The following ZNF596 variants were observed in gnomAD, a reference collection of about 807,000 sequenced individuals.
The protein encoded by ZNF596 is zinc finger protein 596.
Under a neutral mutation model 48.3 loss-of-function variants are expected in ZNF596, and 45 were observed. That is an observed-to-expected ratio of 0.93 (90% CI 0.73 to 1.19). The LOEUF is 1.19. Among genes scored for constraint, ZNF596 ranks in the 50% most tolerant of loss-of-function variants. ZNF596 has a pLI of 0.00. For missense variants in ZNF596, 848 were observed against 599.7 expected (o/e 1.41, Z -4.32); for synonymous variants, 270 against 202.0 (o/e 1.34, Z -2.85).
In ZNF596 at chr8:246,825, C is replaced by G. The variant is rs780224521; in HGVS notation, c.*463C>G. 6.5e-6 allele frequency: 1 copy of G among 154,654 alleles called. No homozygotes were observed. The highest frequency in any genetic ancestry group is 1.4e-5 in the Non-Finnish European group (1 of 69,826). The allele number at this position is 154,654 out of a possible 1,614,324, so 9.6% of individuals were successfully genotyped here. A position where few individuals can be genotyped will look rare whatever the true frequency, so the allele number is the denominator to read the frequency against. On this transcript the variant is annotated 3_prime_UTR_variant, in exon 6 of 6. Coordinates refer to ENST00000398612, the MANE Select transcript of ZNF596 (RefSeq NM_001042416.3). ...TTCATTATAAGGTAACTGATAAAAA[C>G]AGGAAATATGTGAAAATATTTTTTA...
At position 239,302 on chromosome 8, in the gene ZNF596, C is replaced by T. The variant is rs151160056; in HGVS notation, c.-72-1522C>T. 7.7e-3 allele frequency among the ~76,000 whole-genome samples: 1,172 copies of T among 152,274 alleles called. 6 individuals are homozygous for T. Among genetic ancestry groups the T allele is most frequent in the Middle Eastern group, 0.014 (4 of 294 alleles). On this transcript the variant is annotated intron_variant, in intron 1 of 5. Transcript: ENST00000398612. ...CTCCCAGGTTCAAGCGATTCTCATA[C>T]CTCAGCCTCCCGAATAGCTGAGATT...
At chr8:236,011 A>C (rs1205903104) in intron 1 of ZNF596, among the ~76,000 whole-genome samples, 1 of 152,168 alleles carries the variant, frequency 6.6e-6, no homozygotes, top group African/African-American at 2.4e-5. Context: ...TGGGACTTTT[A>C]AGTCTAGGTT....
intron 1 of ZNF596, among the ~76,000 whole-genome samples, chr8:239,062 A>G (rs888242797): frequency 6.6e-6 from 1 of 152,188 alleles, no homozygotes; most frequent in Admixed American, 6.5e-5. Flanking sequence ...CAAGCAGAAG[A>G]AAGAACCAGT....
At position 247,157 on chromosome 8, in the gene ZNF596, G is replaced by C. The variant is rs578013866; in HGVS notation, c.*795G>C. On this transcript the variant is annotated 3_prime_UTR_variant, in exon 6 of 6. Coordinates refer to ENST00000398612, the MANE Select transcript of ZNF596 (RefSeq NM_001042416.3). ...AACTCTAAAAAGCCATTGATGAGAT[G>C]TATAGCTGGGGGACAAAACATAAAG... The C allele has an allele frequency of 2.6e-5, 4 of 152,252 alleles. No individual in the cohort carries two copies. The East Asian group carries it at 7.7e-4, about 29-fold the overall frequency. 9.4% of individuals were successfully genotyped at this position (152,252 alleles called of 1,614,324 possible). A position where few individuals can be genotyped will look rare whatever the true frequency, so the allele number is the denominator to read the frequency against.
Position 232,489 on chromosome 8 carries a change from G to A in ZNF596, c.-278G>A, listed in dbSNP as rs529265683. The A allele has an allele frequency of 4.1e-5, 12 of 295,728 alleles. No individual in the cohort carries two copies. The highest frequency in any genetic ancestry group is 2.1e-4 in the African/African-American group (9 of 43,382). The allele number at this position is 295,728 out of a possible 1,614,324, so 18.3% of individuals were successfully genotyped here. ...TCCTGCGGCGTCCTCCACACCCGGG[G>A]TCTGCTGGTCTCCGCGGATGTCACA... On this transcript the variant is annotated 5_prime_UTR_variant, in exon 1 of 6. Transcript: ENST00000398612.
rs145328181 is a variant in ZNF596 at position 245,903 on chromosome 8, A to G, written c.1056A>G (p.Gln352=). 1 of 1,614,058 alleles carries G rather than the reference A, an allele frequency of 6.2e-7. No homozygotes were observed. Among genetic ancestry groups the G allele is most frequent in the Non-Finnish European group, 8.5e-7 (1 of 1,180,002 alleles). The change falls in exon 6 of 6, where the codon CAA becomes CAG. Residue 352 remains glutamine (Q), a synonymous_variant. Transcript: ENST00000398612. ...KAFSHCSHLR[Q]HERSHNGEKP... ...TCTCTCATTGTTCTCACCTTAGACA[A>G]CATGAGCGAAGTCACAATGGAGAGA... is the stretch of plus-strand genomic sequence containing the variant.
At position 245,636 on chromosome 8, in the gene ZNF596, T is replaced by C. The variant is rs749762927; in HGVS notation, c.789T>C (p.Ser263=). ...TATGTGGGAAAGCCTTCAGTAAAAGTTCTAACCTTAGACGACATGAGATGA... is the reference window on the plus strand; with the variant it reads ...TATGTGGGAAAGCCTTCAGTAAAAGCTCTAACCTTAGACGACATGAGATGA... ...CHLCGKAFSK[S]SNLRRHEMIH... is the part of the protein sequence containing the mutation. The change falls in exon 6 of 6, where the codon AGT becomes AGC. Residue 263 remains serine (S), a synonymous_variant. Coordinates refer to ENST00000398612, the MANE Select transcript of ZNF596 (RefSeq NM_001042416.3). The C allele has an allele frequency of 6.8e-6, 11 of 1,613,570 alleles. No individual in the cohort carries two copies. Among genetic ancestry groups the C allele is most frequent in the South Asian group, 2.2e-5 (2 of 91,068 alleles).
chr8:244,787 G>T (rs886716583), intron 5 of ZNF596, 86 bp downstream of exon 5: 37 of 1,090,990 alleles, frequency 3.4e-5, no homozygotes, highest in Non-Finnish European at 4.7e-5. Flanking sequence ...GTACCTGACT[G>T]TACTTAAAGC....
At chr8:243,576 A>G (rs1796939001) in intron 3 of ZNF596, 146 bp from the exon 4 acceptor site, 2 of 635,480 alleles carry the variant, frequency 3.1e-6, no homozygotes, top group East Asian at 2.8e-5. Context: ...CTCGTGAAGG[A>G]CTGTCAATGT....
chr8:240,782 G>C (rs377515370), intron 1 of ZNF596, 42 bp from the exon 2 acceptor site: 46 of 1,323,812 alleles, frequency 3.5e-5, no homozygotes, highest in Non-Finnish European at 4.6e-5. Flanking sequence ...AGCAAAACTG[G>C]AGTGTCATGG....
intron 2 of ZNF596, among the ~76,000 whole-genome samples, chr8:241,630 T>G (rs1796857162): frequency 6.6e-6 from 1 of 152,190 alleles, no homozygotes; most frequent in African/African-American, 2.4e-5. Flanking sequence ...TTTAAAACTC[T>G]GAGGAAATTT....
chr8:243,607 C>A, intron 3 of ZNF596, 115 bp from the exon 4 acceptor site: 2 of 915,212 alleles, frequency 2.2e-6, no homozygotes, highest in Non-Finnish European at 3.4e-6. Context: ...GTACTCTTCC[C>A]AGGCTGACCT....
At position 245,165 on chromosome 8, in the gene ZNF596, T is replaced by G; in HGVS notation, c.318T>G (p.Thr106=). The change falls in exon 6 of 6, where the codon ACT becomes ACG. Residue 106 remains threonine (T), a synonymous_variant. Coordinates refer to ENST00000398612, the MANE Select transcript of ZNF596 (RefSeq NM_001042416.3). The part of the protein sequence containing the change: ...TSTISTMRSH[T]QEDPFLCNDL... ...ATTCCCAAAACCAGAGATCTCATAC[T>G]CAAGAGGATCCTTTTCTATGCAATG... 1.3e-6 allele frequency: 2 copies of G among 1,589,016 alleles called. No individual in the cohort carries two copies. Among genetic ancestry groups the G allele is most frequent in the Non-Finnish European group, 1.7e-6 (2 of 1,167,434 alleles).
At chr8:235,242 C>T (rs1283004267) in intron 1 of ZNF596, among the ~76,000 whole-genome samples, 1 of 152,142 alleles carries the variant, frequency 6.6e-6, no homozygotes, top group Non-Finnish European at 1.5e-5. Flanking sequence ...TCCAAGGAGA[C>T]CTTGATGTTC....
chr8:232,515 G>T lies in ZNF596; in HGVS notation c.-252G>T, dbSNP rs1796445764. The T allele has an allele frequency of 3.2e-6, 1 of 313,158 alleles. No individual in the cohort carries two copies. Among genetic ancestry groups the T allele is most frequent in the Non-Finnish European group, 6.5e-6 (1 of 152,818 alleles). 19.4% of individuals were successfully genotyped at this position (313,158 alleles called of 1,614,324 possible). The stretch of plus-strand genomic sequence containing the variant: ...TCTGCTGGTCTCCGCGGATGTCACA[G>T]GCTCGGCAACCGCCCTCCTGTCGGC... On this transcript the variant is annotated 5_prime_UTR_variant, in exon 1 of 6. The change creates a new upstream start codon in the 5' untranslated region. Transcript: ENST00000398612.
intron 2 of ZNF596, among the ~76,000 whole-genome samples, chr8:241,751 G>A (rs868288375): frequency 3.9e-5 from 6 of 152,042 alleles, no homozygotes; most frequent in African/African-American, 7.2e-5. Flanking sequence ...TTTTCACACC[G>A]CTATAAAAAA....
In ZNF596 at chr8:245,919, A is replaced by G; in HGVS notation, c.1072A>G (p.Asn358Asp). 6.2e-7 allele frequency: 1 copy of G among 1,614,098 alleles called. No homozygotes were observed. Among genetic ancestry groups the G allele is most frequent in the South Asian group, 1.1e-5 (1 of 91,072 alleles). Residue 358 changes from asparagine to aspartate, a missense_variant, in exon 6 of 6, where the codon AAT becomes GAT. By Grantham distance (23) the Asn-to-Asp change is conservative. Transcript: ENST00000398612. ...SHLRQHERSH[N>D]GEKPHGCHLC... ...CCTTAGACAACATGAGCGAAGTCACAATGGAGAGAAACCACATGGATGTCA... is the reference window on the plus strand; with the variant it reads ...CCTTAGACAACATGAGCGAAGTCACGATGGAGAGAAACCACATGGATGTCA...
In ZNF596 at chr8:232,482, A is replaced by G; in HGVS notation, c.-285A>G. 3.4e-6 allele frequency: 1 copy of G among 289,882 alleles called. No individual in the cohort carries two copies. Among genetic ancestry groups the G allele is most frequent in the Non-Finnish European group, 7.1e-6 (1 of 140,230 alleles). The allele number at this position is 289,882 out of a possible 1,614,324, so 18.0% of individuals were successfully genotyped here. ...GTTCCCTTCCTGCGGCGTCCTCCAC[A>G]CCCGGGGTCTGCTGGTCTCCGCGGA... is the stretch of plus-strand genomic sequence containing the variant. On this transcript the variant is annotated 5_prime_UTR_variant, in exon 1 of 6. Transcript: ENST00000398612.
In ZNF596 at chr8:244,649, T is replaced by C; in HGVS notation, c.254T>C (p.Ile85Thr). The C allele has an allele frequency of 6.2e-7, 1 of 1,613,424 alleles. No homozygotes were observed. Among genetic ancestry groups the C allele is most frequent in the Non-Finnish European group, 8.5e-7 (1 of 1,179,676 alleles). The change falls in exon 5 of 6, where the codon ATA (isoleucine) becomes ACA (threonine). Residue 85 changes from isoleucine to threonine, a missense_variant. Physicochemically the swap from Ile to Thr is moderately conservative, Grantham distance 89. Coordinates refer to ENST00000398612, the MANE Select transcript of ZNF596 (RefSeq NM_001042416.3). ...GREVGIKHQE[I>T]PFIQHIYQKG... The stretch of plus-strand genomic sequence containing the variant: ...GAAGTTGGCATTAAACATCAAGAGA[T>C]ACCATTCATTCAACATATCTATCAG...
Sources: gnomAD v4.1 joint callset for allele counts (sites outside exome capture counted in the v4.1 genomes callset) on GRCh38, gnomAD v4.1.1 for gene constraint, MANE v1.5 for transcripts, NCBI Gene and HGNC (gene_info 2026-07-23, HGNC 2026-07-21) for gene names.